Variants in NOSTRIN observed in about 807,000 individuals in gnomAD.
NOSTRIN encodes BM247 homolog.
NOSTRIN carries 63 observed loss-of-function variants against 59.0 expected under a neutral mutation model. That is an observed-to-expected ratio of 1.07 (90% CI 0.87 to 1.32). The LOEUF is 1.32. Among genes scored for constraint, NOSTRIN ranks in the 40% most tolerant of loss-of-function variants. The pLI is 0.00. For synonymous variants in NOSTRIN, 200 were observed against 165.4 expected, an observed-to-expected ratio of 1.21 and a Z score of -1.61; for missense variants, 512 against 473.1, an observed-to-expected ratio of 1.08 and a Z score of -0.76.
intron 5 of NOSTRIN, among the ~76,000 whole-genome samples, chr2:168,830,280 C>T (rs1687289694): frequency 6.6e-6 from 1 of 152,112 alleles, no homozygotes; most frequent in African/African-American, 2.4e-5. Context: ...GTCATGAGCA[C>T]CCCCGAAATG....
At chr2:168,791,145 TC>T (rs983552841) in intron 2 of NOSTRIN, among the ~76,000 whole-genome samples, 1 of 152,090 alleles carries the variant, frequency 6.6e-6, no homozygotes, top group Non-Finnish European at 1.5e-5. Flanking sequence ...CTCCCTGCTT[TC>T]CCCACCCCAC....
chr2:168,793,813 TC>T (rs531886038), upstream of NOSTRIN, among the ~76,000 whole-genome samples: 99 of 152,298 alleles, frequency 6.5e-4, no homozygotes, highest in Non-Finnish European at 1.3e-3. Flanking sequence ...CTCAAAGCAT[TC>T]TTGAGAGATT....
In NOSTRIN at chr2:168,865,433, G is replaced by GAGAC. The variant is rs1231937804; in HGVS notation, c.*466_*469dup. ...GGAACACAGATCAATTCCAAGAAGA[G>GAGAC]AGACAGGCAATCAAGACACCAATGA... is the stretch of plus-strand genomic sequence containing the variant. On this transcript the variant is annotated 3_prime_UTR_variant, in exon 16 of 16. Transcript: ENST00000317647. 1 of 154,652 alleles carries GAGAC rather than the reference G, an allele frequency of 6.5e-6. No homozygotes were observed. Among genetic ancestry groups the GAGAC allele is most frequent in the African/African-American group, 2.4e-5 (1 of 41,448 alleles). 9.6% of individuals were successfully genotyped at this position (154,652 alleles called of 1,614,324 possible). A position where few individuals can be genotyped will look rare whatever the true frequency, so the allele number is the denominator to read the frequency against.
Position 168,860,804 on chromosome 2 carries a change from C to G in NOSTRIN, c.1189C>G (p.His397Asp). ...IFRWREKEHT[H>D]SYVKISRPFL... is the part of the protein sequence containing the mutation. ...TATGTCATTTGAACAGGAGCATACT[C>G]ATAGCTATGTGAAAATATCTCGGCC... is the stretch of plus-strand genomic sequence containing the variant. The change falls in exon 14 of 16, where the codon CAT becomes GAT. Residue 397 changes from histidine (H) to aspartate (D), a missense_variant. Coordinates refer to ENST00000317647, the MANE Select transcript of NOSTRIN (RefSeq NM_001039724.4). The G allele has an allele frequency of 6.2e-7, 1 of 1,602,612 alleles. No homozygotes were observed. The highest frequency in any genetic ancestry group is 8.6e-7 in the Non-Finnish European group (1 of 1,169,548).
intron 6 of NOSTRIN, 135 bp downstream of exon 6, chr2:168,831,669 T>A (rs956614932): frequency 5.0e-5 from 31 of 615,562 alleles, no homozygotes; most frequent in African/African-American, 4.9e-4. Context: ...TTTCCTTACC[T>A]GGTTGTTACA....
intron 11 of NOSTRIN, 145 bp downstream of exon 11, chr2:168,855,605 C>CAAA (rs58938408): frequency 1.4e-3 from 219 of 153,086 alleles, no homozygotes; most frequent in Middle Eastern, 4.6e-3. Flanking sequence ...GTTGTGTGAA[C>CAAA]AAAAAAAAAA....
intron 8 of NOSTRIN, among the ~76,000 whole-genome samples, chr2:168,844,099 A>G (rs1688259784): frequency 6.6e-6 from 1 of 152,246 alleles, no homozygotes; most frequent in Admixed American, 6.5e-5. Flanking sequence ...TACCACTTAC[A>G]CAATCTGTGT....
chr2:168,798,424 A>C (rs984733545), upstream of NOSTRIN, among the ~76,000 whole-genome samples: 1 of 152,216 alleles, frequency 6.6e-6, no homozygotes, highest in Non-Finnish European at 1.5e-5. Context: ...TTGTTTGTGA[A>C]TACTTCATAA....
intron 1 of NOSTRIN, among the ~76,000 whole-genome samples, chr2:168,804,427 T>C (rs1351609150): frequency 6.6e-6 from 1 of 152,254 alleles, no homozygotes; most frequent in African/African-American, 2.4e-5. Context: ...AGAACATTTA[T>C]TTATTTGCAA....
intron 8 of NOSTRIN, among the ~76,000 whole-genome samples, chr2:168,847,977 T>C (rs560952): frequency 0.31 from 47,697 of 152,040 alleles, 8,492 homozygotes; most frequent in East Asian, 0.58. Flanking sequence ...ATGCTAGTGG[T>C]TCAGCACTTG....
intron 8 of NOSTRIN, 94 bp downstream of exon 8, chr2:168,843,211 G>A: frequency 1.4e-6 from 1 of 729,448 alleles, no homozygotes; most frequent in Non-Finnish European, 2.4e-6. Flanking sequence ...CCTGCCCTCT[G>A]TCTTAGCTAT....
intron 2 of NOSTRIN, among the ~76,000 whole-genome samples, chr2:168,788,471 C>T (rs548024108): frequency 9.9e-5 from 15 of 152,088 alleles, no homozygotes; most frequent in South Asian, 4.2e-4. Flanking sequence ...CTGGCAGAAT[C>T]GTAGCCCAAG....
chr2:168,806,307 AT>A (rs1244918426), intron 1 of NOSTRIN, among the ~76,000 whole-genome samples: 1 of 152,076 alleles, frequency 6.6e-6, no homozygotes, highest in Non-Finnish European at 1.5e-5. Flanking sequence ...ATAAAAATAA[AT>A]TTTTCTATAA....
At chr2:168,820,505 C>T (rs1348787728) in intron 2 of NOSTRIN, among the ~76,000 whole-genome samples, 1 of 152,136 alleles carries the variant, frequency 6.6e-6, no homozygotes, top group African/African-American at 2.4e-5. Flanking sequence ...TCTGGACAGT[C>T]TCTTTAGGTG....
At chr2:168,852,018 G>T (rs1206513024) in intron 10 of NOSTRIN, among the ~76,000 whole-genome samples, 1 of 152,120 alleles carries the variant, frequency 6.6e-6, no homozygotes, top group Non-Finnish European at 1.5e-5. Flanking sequence ...TGCCATGTGG[G>T]TCTCTCCATG....
At chr2:168,835,621 ATGTCT>A (rs1687673820) in intron 7 of NOSTRIN, among the ~76,000 whole-genome samples, 1 of 152,154 alleles carries the variant, frequency 6.6e-6, no homozygotes, top group Admixed American at 6.5e-5. Flanking sequence ...GAGCCAGAAA[ATGTCT>A]GTAAAATCAC....
intron 1 of NOSTRIN, among the ~76,000 whole-genome samples, chr2:168,787,344 A>G (rs1464360726): frequency 6.6e-6 from 1 of 152,106 alleles, no homozygotes; most frequent in East Asian, 1.9e-4. Flanking sequence ...TGCCTGTGAC[A>G]GCTCCAGGAC....
At chr2:168,791,975 C>G (rs1255724442) in intron 2 of NOSTRIN, among the ~76,000 whole-genome samples, 1 of 152,068 alleles carries the variant, frequency 6.6e-6, no homozygotes, top group Non-Finnish European at 1.5e-5. Context: ...TGTGCAGAAG[C>G]TCTTGAGTTT....
At chr2:168,806,666 GT>G (rs1386537576) in intron 1 of NOSTRIN, among the ~76,000 whole-genome samples, 1 of 151,944 alleles carries the variant, frequency 6.6e-6, no homozygotes, top group African/African-American at 2.4e-5. Context: ...ACCTCATCGT[GT>G]TTTTTTCCCC....
Sources: gnomAD v4.1 joint callset for allele counts (sites outside exome capture counted in the v4.1 genomes callset) on GRCh38, gnomAD v4.1.1 for gene constraint, MANE v1.5 for transcripts, NCBI Gene and HGNC (gene_info 2026-07-23, HGNC 2026-07-21) for gene names.